The following PPIG variants were observed in gnomAD, a reference collection of about 807,000 sequenced individuals.
PPIG encodes the protein peptidyl-prolyl cis-trans isomerase G.
In PPIG, 26 loss-of-function variants were observed where a neutral mutation model predicts 87.9. That is an observed-to-expected ratio of 0.30 (90% CI 0.22 to 0.41). The LOEUF is 0.41. Among genes scored for constraint, PPIG ranks in the 10% least tolerant of loss-of-function variants. The pLI, the probability that PPIG is intolerant of heterozygous loss-of-function variation, is 1.00. For synonymous variants in PPIG, 308 were observed against 276.5 expected (o/e 1.11, Z -1.13); for missense variants, 722 against 879.4 (o/e 0.82, Z 2.26).
intron 9 of PPIG, among the ~76,000 whole-genome samples, chr2:169,629,431 CT>C (rs1476903794): frequency 2.0e-5 from 3 of 152,096 alleles, no homozygotes; most frequent in Non-Finnish European, 4.4e-5. Flanking sequence ...TAATTTTTTG[CT>C]GTGTGAATCA....
At chr2:169,594,319 A>T (rs1684955383) in intron 1 of PPIG, among the ~76,000 whole-genome samples, 1 of 60,116 alleles carries the variant, frequency 1.7e-5, no homozygotes. Context: ...TTTGCTGTTG[A>T]TAGGCAAAAA....
At chr2:169,596,302 A>T (rs1459809664) in intron 1 of PPIG, among the ~76,000 whole-genome samples, 3 of 141,440 alleles carry the variant, frequency 2.1e-5, no homozygotes, top group South Asian at 2.3e-4. Context: ...ATGGGGTTTC[A>T]TCATGTTGGC....
At chr2:169,616,799 C>T (rs150475392) in intron 9 of PPIG, among the ~76,000 whole-genome samples, 2,333 of 152,132 alleles carry the variant, frequency 0.015, 22 homozygotes, top group Non-Finnish European at 0.025. Context: ...CTATAGGTTG[C>T]CTGTTCACTC....
intron 7 of PPIG, among the ~76,000 whole-genome samples, chr2:169,613,754 T>C (rs777745964): frequency 1.3e-5 from 2 of 151,952 alleles, no homozygotes; most frequent in Non-Finnish European, 2.9e-5. Flanking sequence ...TAGTGAGACC[T>C]GTCTCTACAA....
chr2:169,591,916 CATG>C, intron 1 of PPIG, among the ~76,000 whole-genome samples: 2 of 125,602 alleles, frequency 1.6e-5, no homozygotes, highest in Non-Finnish European at 3.2e-5. Flanking sequence ...TTAGGCAATT[CATG>C]ATTTTTTTTT....
At chr2:169,634,784 C>T (rs1043250260) in intron 12 of PPIG, among the ~76,000 whole-genome samples, 1 of 152,276 alleles carries the variant, frequency 6.6e-6, no homozygotes, top group East Asian at 1.9e-4. Context: ...AAGCTTTACC[C>T]CTGCCATGTT....
intron 12 of PPIG, among the ~76,000 whole-genome samples, chr2:169,634,804 C>G (rs1686142372): frequency 6.6e-6 from 1 of 152,178 alleles, no homozygotes; most frequent in Non-Finnish European, 1.5e-5. Context: ...TAATTCAACT[C>G]CATCATATTG....
chr2:169,604,200 C>G lies in PPIG; in HGVS notation c.75C>G (p.Val25=). The change falls in exon 4 of 14, where the codon GTC becomes GTG. Residue 25 remains valine, a synonymous_variant. Transcript: ENST00000260970. The part of the protein sequence containing the change: ...AINNQPAGRV[V]FELFSDVCPK... ...CTTCTTTTTCAGCTGGAAGAGTTGTCTTTGAATTATTTTCTGATGTGTGCC... is the reference window on the plus strand; with the variant it reads ...CTTCTTTTTCAGCTGGAAGAGTTGTGTTTGAATTATTTTCTGATGTGTGCC... 6.2e-7 allele frequency: 1 copy of G among 1,613,098 alleles called. No homozygotes were observed. Among genetic ancestry groups the G allele is most frequent in the Non-Finnish European group, 8.5e-7 (1 of 1,179,800 alleles).
rs1685315699 is a variant in PPIG at position 169,606,019 on chromosome 2, C to CT, written c.137-19dup. 6.5e-7 allele frequency: 1 copy of CT among 1,535,250 alleles called. No individual in the cohort carries two copies. The highest frequency in any genetic ancestry group is 9.0e-7 in the Non-Finnish European group (1 of 1,113,808). ...TTTGATTTCCTTTCTATTAAATGTC[C>CT]TATTTTTTTATCTCTATAGGTGAAA... On this transcript the variant is annotated intron_variant, in intron 4 of 13. Transcript: ENST00000260970.
At chr2:169,616,116 G>A (rs1398491355) in intron 9 of PPIG, among the ~76,000 whole-genome samples, 6 of 152,108 alleles carry the variant, frequency 3.9e-5, no homozygotes, top group Admixed American at 6.6e-5. Context: ...TTCTGTTCCT[G>A]TGTTAGTTTG....
At chr2:169,593,105 T>C (rs996406405) in intron 1 of PPIG, among the ~76,000 whole-genome samples, 6 of 150,692 alleles carry the variant, frequency 4.0e-5, no homozygotes, top group East Asian at 1.9e-4. Flanking sequence ...ATGTACATTA[T>C]AATGTTAGAA....
At chr2:169,614,548 A>G (rs1685565131) in intron 8 of PPIG, 37 bp from the exon 9 acceptor site, 1 of 1,567,974 alleles carries the variant, frequency 6.4e-7, no homozygotes, top group East Asian at 2.3e-5. Context: ...TTGAAATAAA[A>G]AGCTTTTATT....
At chr2:169,590,420 C>T (rs1340185525) in intron 1 of PPIG, among the ~76,000 whole-genome samples, 1 of 152,154 alleles carries the variant, frequency 6.6e-6, no homozygotes, top group Non-Finnish European at 1.5e-5. Flanking sequence ...GCAGGCGGAT[C>T]ACCAGGTCAG....
chr2:169,607,828 T>G (rs1456503581), intron 6 of PPIG, among the ~76,000 whole-genome samples: 1 of 152,182 alleles, frequency 6.6e-6, no homozygotes, highest in Non-Finnish European at 1.5e-5. Context: ...ATGAAACAGA[T>G]GAAATGTAAA....
At chr2:169,591,015 G>T (rs1684849716) in intron 1 of PPIG, among the ~76,000 whole-genome samples, 1 of 152,256 alleles carries the variant, frequency 6.6e-6, no homozygotes, top group Middle Eastern at 3.4e-3. Context: ...TCTAAAAATA[G>T]AAATAATTTA....
chr2:169,603,535 A>ATATATATAATGTATATAT (rs1280745968), intron 1 of PPIG, 107 bp from the exon 2 acceptor site: 5 of 19,322 alleles, frequency 2.6e-4, no homozygotes, highest in African/African-American at 8.7e-4. Flanking sequence ...ACTATTTAAC[A>ATATATATAATGTATATAT]ATAGTTAAAT....
At chr2:169,636,059 A>C in intron 12 of PPIG, 33 bp from the exon 13 acceptor site, 1 of 1,542,100 alleles carries the variant, frequency 6.5e-7, no homozygotes, top group South Asian at 1.2e-5. Flanking sequence ...ATACTTCTAT[A>C]CATTAATTTT....
intron 4 of PPIG, 46 bp downstream of exon 4, chr2:169,604,307 A>ATGGC (rs144507681): frequency 0.47 from 371,446 of 789,110 alleles, 92,545 homozygotes; most frequent in East Asian, 0.61. Flanking sequence ...TCAGTTGACT[A>ATGGC]TGGCTTGCTT....
Position 169,636,238 on chromosome 2 carries a change from A to G in PPIG, c.1154+10A>G. ...GGATCAAGGGGGATAAGTAAGATTT[A>G]ACTATTATTATTTCAAATGTAATGA... is the stretch of plus-strand genomic sequence containing the variant. On this transcript the variant is annotated intron_variant, in intron 13 of 13. Transcript: ENST00000260970. 1 of 1,579,672 alleles carries G rather than the reference A, an allele frequency of 6.3e-7. No homozygotes were observed. Among genetic ancestry groups the G allele is most frequent in the South Asian group, 1.2e-5 (1 of 84,500 alleles).
Sources: gnomAD v4.1 joint callset for allele counts (sites outside exome capture counted in the v4.1 genomes callset) on GRCh38, gnomAD v4.1.1 for gene constraint, MANE v1.5 for transcripts, NCBI Gene and HGNC (gene_info 2026-07-23, HGNC 2026-07-21) for gene names.